Variants in SLC37A2 observed in about 807,000 individuals in gnomAD.
The protein encoded by SLC37A2 is glucose-6-phosphate exchanger SLC37A2.
SLC37A2 carries 59 observed loss-of-function variants against 70.7 expected under a neutral mutation model. The ratio of observed to expected loss-of-function variants is 0.83; its 90% CI spans 0.68 to 1.04. The LOEUF is 1.04. SLC37A2 is among the 50% of genes least tolerant of loss of function. The pLI, the probability that SLC37A2 is intolerant of heterozygous loss-of-function variation, is 0.00. For synonymous variants in SLC37A2, 257 were observed against 262.1 expected, an observed-to-expected ratio of 0.98 and a Z score of 0.19; for missense variants, 580 against 658.1, an observed-to-expected ratio of 0.88 and a Z score of 1.30.
Position 125,089,606 on chromosome 11 carries a change from T to C in SLC37A2, c.*1472T>C, listed in dbSNP as rs1011473330. On this transcript the variant is annotated 3_prime_UTR_variant, in exon 18 of 18. Coordinates refer to ENST00000403796, the MANE Select transcript of SLC37A2 (RefSeq NM_001145290.2). ...GCACTCGGAGCAGCCGGCCGGCCCT[T>C]CCGGCCCCGGGCAGTGAGGGACTTG... 6.5e-6 allele frequency: 1 copy of C among 153,288 alleles called. No individual in the cohort carries two copies. Among genetic ancestry groups the C allele is most frequent in the Non-Finnish European group, 1.5e-5 (1 of 68,828 alleles). The allele number at this position is 153,288 out of a possible 1,614,324, so 9.5% of individuals were successfully genotyped here.
intron 1 of SLC37A2, among the ~76,000 whole-genome samples, chr11:125,075,252 T>C (rs1043293148): frequency 6.6e-6 from 1 of 152,224 alleles, no homozygotes; most frequent in Non-Finnish European, 1.5e-5. Flanking sequence ...GGGCACCCTC[T>C]TCAAAGTCTC....
At position 125,063,996 on chromosome 11, in the gene SLC37A2, C is replaced by T. The variant is rs149815595; in HGVS notation, c.59+570C>T. On this transcript the variant is annotated intron_variant, in intron 1 of 17. Transcript: ENST00000403796. This position sits in a 1 kb window ranked among gnomAD's most constrained non-coding sequence, Gnocchi z 5.4. ...CCCCTCGGCAGTGGGAGAAGGGCTT[C>T]ACAGAGGTTCTCTTCCTGACCGCAG... Among the ~76,000 whole-genome samples, 62 of 152,306 alleles carry T rather than the reference C, an allele frequency of 4.1e-4. No homozygotes were observed. In the East Asian group the frequency reaches 0.011, roughly 28 times the overall value.
intron 17 of SLC37A2, chr11:125,087,586 TAAAGCTGTC>T (rs1419048993): frequency 6.5e-6 from 1 of 153,532 alleles, no homozygotes; most frequent in Non-Finnish European, 1.4e-5. Flanking sequence ...TATTGCTTTG[TAAAGCTGTC>T]AAATGTGGCA....
chr11:125,084,974 G>A lies in SLC37A2; in HGVS notation c.1175-92G>A, dbSNP rs890598267. ...GGGGGCACTGACAGGTGGAGGGGCT[G>A]GGAGGGCTGAAGGCTGGAGAGTGCT... On this transcript the variant is annotated intron_variant, in intron 13 of 17. Transcript: ENST00000403796. The A allele has an allele frequency of 9.4e-5, 150 of 1,592,108 alleles. 2 individuals are homozygous for A. The East Asian group carries it at 3.3e-3, about 35-fold the overall frequency.
intron 1 of SLC37A2, among the ~76,000 whole-genome samples, chr11:125,071,066 C>T (rs1949024779): frequency 1.3e-5 from 2 of 152,190 alleles, no homozygotes; most frequent in Admixed American, 1.3e-4. Flanking sequence ...AGGACAGACA[C>T]CAGAGGTAGA....
chr11:125,067,985 G>A (rs1003186005), intron 1 of SLC37A2, among the ~76,000 whole-genome samples: 2 of 152,126 alleles, frequency 1.3e-5, no homozygotes, highest in African/African-American at 2.4e-5. Flanking sequence ...TTTAACCAAA[G>A]TAACTAACAT....
Position 125,080,635 on chromosome 11 carries a change from C to G in SLC37A2, c.549C>G (p.Ile183Met). The change falls in exon 7 of 18, where the codon ATC (isoleucine) becomes ATG (methionine). Residue 183 changes from isoleucine (I) to methionine (M), a missense_variant. Transcript: ENST00000403796. The surrounding 1 kb of genome is among the most constrained non-coding windows in gnomAD (Gnocchi z 4.3). Reference sequence around the variant, plus strand: ...CCAGGCGGGGGTTCATCATGGGCATCTGGAATTCCCACACATCTGTGGGCA... The same window carrying G: ...CCAGGCGGGGGTTCATCATGGGCATGTGGAATTCCCACACATCTGTGGGCA... ...GKGKRGFIMG[I>M]WNSHTSVGNI... 2 of 1,521,122 alleles carry G rather than the reference C, an allele frequency of 1.3e-6. No homozygotes were observed. The highest frequency in any genetic ancestry group is 1.8e-6 in the Non-Finnish European group (2 of 1,131,786). The allele number at this position is 1,521,122 out of a possible 1,614,324, so 94.2% of individuals were successfully genotyped here. A position where few individuals can be genotyped will look rare whatever the true frequency, so the allele number is the denominator to read the frequency against.
At position 125,077,515 on chromosome 11, in the gene SLC37A2, G is replaced by A. The variant is rs756632851; in HGVS notation, c.301G>A (p.Gly101Ser). The A allele has an allele frequency of 1.8e-5, 29 of 1,613,372 alleles. 1 individual carries two copies. Among genetic ancestry groups the A allele is most frequent in the Middle Eastern group, 1.6e-4 (1 of 6,082 alleles). Residue 101 changes from glycine to serine, a missense_variant, in exon 4 of 18, where the codon GGC becomes AGC. Physicochemically the swap from Gly to Ser is moderately conservative, Grantham distance 56 (BLOSUM62 0). Coordinates refer to ENST00000403796, the MANE Select transcript of SLC37A2 (RefSeq NM_001145290.2). Reference protein sequence around the residue: ...DNAFLIAYAIGMFISGVFGER... With the variant: ...DNAFLIAYAISMFISGVFGER... ...CGCCTTCCTCATCGCCTATGCCATCGGCATGTTCATCAGGTAAGGACAGAG... is the reference window on the plus strand; with the variant it reads ...CGCCTTCCTCATCGCCTATGCCATCAGCATGTTCATCAGGTAAGGACAGAG...
In SLC37A2 at chr11:125,071,142, T is replaced by TG. The variant is rs71462885; in HGVS notation, c.60-5608dup. Among the ~76,000 whole-genome samples, 4 of 151,740 alleles carry TG rather than the reference T, an allele frequency of 2.6e-5. No homozygotes were observed. In the South Asian group the frequency reaches 6.2e-4, roughly 24 times the overall value. ...ACACTAAGTTGGTGTGTGTGTGGGG[T>TG]GGGGGGGCGGTGTCACTGCTCTCCT... On this transcript the variant is annotated intron_variant, in intron 1 of 17. Coordinates refer to ENST00000403796, the MANE Select transcript of SLC37A2 (RefSeq NM_001145290.2).
rs1368981380 is a variant in SLC37A2, at chr11:125,063,985, G to C, written c.59+559G>C. On this transcript the variant is annotated intron_variant, in intron 1 of 17. Coordinates refer to ENST00000403796, the MANE Select transcript of SLC37A2 (RefSeq NM_001145290.2). The surrounding 1 kb of genome is among the most constrained non-coding windows in gnomAD (Gnocchi z 5.4). ...GAGCAGGGCAGCCCCTCGGCAGTGGGAGAAGGGCTTCACAGAGGTTCTCTT... is the reference window on the plus strand; with the variant it reads ...GAGCAGGGCAGCCCCTCGGCAGTGGCAGAAGGGCTTCACAGAGGTTCTCTT... Among the ~76,000 whole-genome samples the C allele has an allele frequency of 6.6e-6, 1 of 152,212 alleles. No homozygotes were observed. Among genetic ancestry groups the C allele is most frequent in the African/African-American group, 2.4e-5 (1 of 41,462 alleles).
At chr11:125,067,549 C>T (rs1224274107) in intron 1 of SLC37A2, among the ~76,000 whole-genome samples, 1 of 152,160 alleles carries the variant, frequency 6.6e-6, no homozygotes, top group Non-Finnish European at 1.5e-5. Context: ...AGCAATTGAT[C>T]AATATTAACA....
At chr11:125,078,131 C>T (rs1378491644) in intron 4 of SLC37A2, among the ~76,000 whole-genome samples, 8 of 152,146 alleles carry the variant, frequency 5.3e-5, no homozygotes, top group South Asian at 4.1e-4. Context: ...GACTTGGGTG[C>T]GGCGGTGCAG....
Position 125,077,372 on chromosome 11 carries a change from G to A in SLC37A2, c.235+49G>A, listed in dbSNP as rs749017664. ...TCCCATTCCCCATTCCCTCTTCCTC[G>A]AGAAGGGGCTGTCCAGGGAGGGCTT... On this transcript the variant is annotated intron_variant, in intron 3 of 17. Transcript: ENST00000403796. The A allele has an allele frequency of 2.9e-5, 46 of 1,591,378 alleles. No individual in the cohort carries two copies. The South Asian group carries it at 3.2e-4, about 11-fold the overall frequency.
chr11:125,066,997 C>T (rs1435095298), intron 1 of SLC37A2, among the ~76,000 whole-genome samples: 1 of 136,944 alleles, frequency 7.3e-6, no homozygotes, highest in Admixed American at 7.0e-5. Flanking sequence ...TTTATTTTTT[C>T]GAGACAAAGT....
chr11:125,079,887 G>C, intron 6 of SLC37A2, 127 bp downstream of exon 6: 1 of 708,414 alleles, frequency 1.4e-6, no homozygotes, highest in Non-Finnish European at 2.5e-6. Flanking sequence ...TGCTGTTCAC[G>C]TGCTTAGAAG....
intron 1 of SLC37A2, among the ~76,000 whole-genome samples, chr11:125,065,689 T>A (rs562506803): frequency 6.6e-6 from 1 of 152,288 alleles, no homozygotes. Flanking sequence ...ATAGGCATCC[T>A]GATCAAATAC....
intron 1 of SLC37A2, among the ~76,000 whole-genome samples, 175 bp from the exon 2 acceptor site, chr11:125,076,582 C>A (rs140333054): frequency 6.6e-6 from 1 of 152,184 alleles, no homozygotes; most frequent in Non-Finnish European, 1.5e-5. Flanking sequence ...CCTCTGAGCA[C>A]CCTGGCCTCT....
rs749730766 is a variant in SLC37A2, at chr11:125,083,827, C to T, written c.989C>T (p.Ala330Val). 6.2e-7 allele frequency: 1 copy of T among 1,614,128 alleles called. No individual in the cohort carries two copies. Among genetic ancestry groups the T allele is most frequent in the East Asian group, 2.2e-5 (1 of 44,874 alleles). ...GTATTTTCCACAGCTCACTTTAGTG[C>T]CAAGGAGGCTGGGGACCTGTCTACA... ...LYIANVAHFS[A>V]KEAGDLSTLF... Residue 330 changes from alanine to valine, a missense_variant, in exon 11 of 18, where the codon GCC becomes GTC. Coordinates refer to ENST00000403796, the MANE Select transcript of SLC37A2 (RefSeq NM_001145290.2). The surrounding 1 kb of genome is among the most constrained non-coding windows in gnomAD (Gnocchi z 4.6).
At chr11:125,066,702 A>G (rs1036613636) in intron 1 of SLC37A2, among the ~76,000 whole-genome samples, 1 of 152,192 alleles carries the variant, frequency 6.6e-6, no homozygotes, top group Non-Finnish European at 1.5e-5. Context: ...AAAAAACACA[A>G]TGAACATATT....
Sources: allele counts gnomAD v4.1 joint callset (sites outside exome capture counted in the v4.1 genomes callset), GRCh38; gene constraint gnomAD v4.1.1; non-coding constraint Gnocchi (gnomAD v3.1); transcripts MANE v1.5; gene names NCBI Gene and HGNC (gene_info 2026-07-23, HGNC 2026-07-21).